Variants in PARD3B observed in about 807,000 individuals in gnomAD.
The protein encoded by PARD3B is par-3 family cell polarity regulator beta.
PARD3B carries 103 observed loss-of-function variants against 130.2 expected under a neutral mutation model. That is an observed-to-expected ratio of 0.79 (90% CI 0.67 to 0.93). The LOEUF is 0.93. PARD3B is among the 40% of genes least tolerant of loss of function. The pLI, the probability that PARD3B is intolerant of heterozygous loss-of-function variation, is 0.00. For missense variants in PARD3B, 1,609 were observed against 1,499.2 expected, an observed-to-expected ratio of 1.07 and a Z score of -1.21; for synonymous variants, 583 against 553.2, an observed-to-expected ratio of 1.05 and a Z score of -0.76.
At chr2:205,087,823 AG>A (rs1701836186) in intron 4 of PARD3B, among the ~76,000 whole-genome samples, 3 of 118,104 alleles carry the variant, frequency 2.5e-5, no homozygotes, top group Admixed American at 1.6e-4. Flanking sequence ...CAGCTCTACC[AG>A]GCTTGAAGTG....
At chr2:204,622,558 A>T (rs2034342117) in intron 1 of PARD3B, among the ~76,000 whole-genome samples, 1 of 151,992 alleles carries the variant, frequency 6.6e-6, no homozygotes, top group African/African-American at 2.4e-5. Context: ...GTATTAGACT[A>T]TAATATTAAT....
At chr2:205,529,439 AT>A (rs1035474118) in intron 21 of PARD3B, among the ~76,000 whole-genome samples, 2 of 151,786 alleles carry the variant, frequency 1.3e-5, no homozygotes, top group African/African-American at 2.4e-5. Flanking sequence ...CATTTCACTC[AT>A]TTTTTTTCTG....
Position 205,113,565 on chromosome 2 carries a change from C to A in PARD3B, c.668C>A (p.Ser223Tyr). The A allele has an allele frequency of 6.2e-7, 1 of 1,611,092 alleles. No homozygotes were observed. Among genetic ancestry groups the A allele is most frequent in the Non-Finnish European group, 8.5e-7 (1 of 1,177,904 alleles). ...LGIHVVPFFSSLSGRILGLFI... is the reference protein window; with the variant it reads ...LGIHVVPFFSYLSGRILGLFI... Reference sequence around the variant, plus strand: ...ATACATGTAGTGCCCTTCTTTTCATCTCTGAGTGGAAGGTAAGATGTTTTT... The same window carrying A: ...ATACATGTAGTGCCCTTCTTTTCATATCTGAGTGGAAGGTAAGATGTTTTT... Residue 223 changes from serine to tyrosine, a missense_variant, in exon 6 of 23, where the codon TCT becomes TAT. Coordinates refer to ENST00000406610, the MANE Select transcript of PARD3B (RefSeq NM_001302769.2).
At chr2:204,965,947 G>T (rs1301689552) in intron 3 of PARD3B, among the ~76,000 whole-genome samples, 1 of 152,080 alleles carries the variant, frequency 6.6e-6, no homozygotes, top group Non-Finnish European at 1.5e-5. Context: ...GATAAATTTA[G>T]CTCAATTTAA....
chr2:204,893,994 AG>A (rs1235950473), intron 2 of PARD3B, among the ~76,000 whole-genome samples: 1 of 152,196 alleles, frequency 6.6e-6, no homozygotes, highest in African/African-American at 2.4e-5. Flanking sequence ...TATTTTATAT[AG>A]AAAATATGAC....
intron 2 of PARD3B, among the ~76,000 whole-genome samples, chr2:204,823,771 C>A (rs2043460590): frequency 6.6e-6 from 1 of 152,030 alleles, no homozygotes; most frequent in South Asian, 2.1e-4. Flanking sequence ...GAAACCGTTT[C>A]TCTACTAATA....
intron 4 of PARD3B, among the ~76,000 whole-genome samples, chr2:205,094,191 A>G (rs1461382981): frequency 2.6e-5 from 4 of 152,164 alleles, no homozygotes; most frequent in African/African-American, 9.7e-5. Context: ...AAGCTGTGAA[A>G]TTGTTTTTTG....
At chr2:205,169,603 A>G (rs1363142787) in intron 11 of PARD3B, among the ~76,000 whole-genome samples, 1 of 152,164 alleles carries the variant, frequency 6.6e-6, no homozygotes, top group Non-Finnish European at 1.5e-5. Flanking sequence ...AGAGGTTCCC[A>G]TAAAGCTTCC....
intron 15 of PARD3B, among the ~76,000 whole-genome samples, chr2:205,213,529 A>G (rs141296736): frequency 1.9e-4 from 29 of 152,294 alleles, no homozygotes; most frequent in Admixed American, 7.2e-4. Context: ...GTGGACCACG[A>G]TGATTGATTT....
At chr2:204,846,696 A>G (rs1355307201) in intron 2 of PARD3B, among the ~76,000 whole-genome samples, 2 of 150,562 alleles carry the variant, frequency 1.3e-5, no homozygotes, top group Non-Finnish European at 3.0e-5. Context: ...GATAGCCAGG[A>G]GGCTTCCTAT....
intron 2 of PARD3B, among the ~76,000 whole-genome samples, chr2:204,805,292 A>G (rs1451726641): frequency 1.3e-5 from 2 of 152,132 alleles, no homozygotes; most frequent in Non-Finnish European, 2.9e-5. Flanking sequence ...GCAACTCTAT[A>G]CCAGTAAATT....
intron 15 of PARD3B, among the ~76,000 whole-genome samples, chr2:205,221,851 C>G (rs896215263): frequency 6.6e-6 from 1 of 152,026 alleles, no homozygotes; most frequent in East Asian, 1.9e-4. Context: ...AGACTCTAAA[C>G]AACTTATTAT....
chr2:205,520,772 TG>T (rs2051010914), intron 21 of PARD3B, among the ~76,000 whole-genome samples: 2 of 152,232 alleles, frequency 1.3e-5, no homozygotes, highest in South Asian at 4.2e-4. Flanking sequence ...TTTTTTACTT[TG>T]TTATATTTTG....
At chr2:204,964,651 T>C (rs570466317) in intron 2 of PARD3B, among the ~76,000 whole-genome samples, 1 of 152,180 alleles carries the variant, frequency 6.6e-6, no homozygotes, top group Non-Finnish European at 1.5e-5. Flanking sequence ...ACACAATGTA[T>C]GTATGTATAT....
At chr2:205,462,350 C>G (rs1248743217) in intron 20 of PARD3B, among the ~76,000 whole-genome samples, 2 of 152,214 alleles carry the variant, frequency 1.3e-5, no homozygotes, top group Admixed American at 6.5e-5. Flanking sequence ...TTTCATCAAT[C>G]AGTACATTTC....
chr2:204,798,027 G>C (rs890001061), intron 2 of PARD3B, among the ~76,000 whole-genome samples: 14 of 152,186 alleles, frequency 9.2e-5, no homozygotes, highest in African/African-American at 2.7e-4. Flanking sequence ...TGTCCTCCCT[G>C]TAGGAACAAC....
chr2:204,776,704 A>G (rs1438210060), intron 2 of PARD3B, among the ~76,000 whole-genome samples: 7 of 151,802 alleles, frequency 4.6e-5, no homozygotes, highest in Admixed American at 3.9e-4. Flanking sequence ...TTTGCTAACT[A>G]TTTGCCTGGG....
chr2:205,286,148 T>G (rs1273182055), intron 16 of PARD3B, among the ~76,000 whole-genome samples: 1 of 152,198 alleles, frequency 6.6e-6, no homozygotes, highest in African/African-American at 2.4e-5. Flanking sequence ...AAAACAGTTT[T>G]TTTTTCTTTT....
chr2:205,086,618 T>C (rs1701756207), intron 4 of PARD3B, among the ~76,000 whole-genome samples: 1 of 152,172 alleles, frequency 6.6e-6, no homozygotes, highest in Non-Finnish European at 1.5e-5. Context: ...CCCTTGCTAC[T>C]TTATACGTTT....
Sources: allele counts gnomAD v4.1 joint callset (sites outside exome capture counted in the v4.1 genomes callset), GRCh38; gene constraint gnomAD v4.1.1; transcripts MANE v1.5; gene names NCBI Gene and HGNC (gene_info 2026-07-23, HGNC 2026-07-21).